The following C1QA variants were observed in gnomAD, a reference collection of about 807,000 sequenced individuals.
The protein encoded by C1QA is complement C1q A chain.
In C1QA, 3 loss-of-function variants were observed where a neutral mutation model predicts 6.9. The ratio of observed to expected loss-of-function variants is 0.44; its 90% CI spans 0.20 to 1.12. The LOEUF (loss-of-function observed/expected upper bound fraction) is 1.12, where lower values mean the gene tolerates loss of function less well. C1QA is among the 50% of genes most tolerant of loss of function. The pLI is 0.27. For missense variants in C1QA, 273 were observed against 326.6 expected, an observed-to-expected ratio of 0.84 and a Z score of 1.26; for synonymous variants, 128 against 134.1, an observed-to-expected ratio of 0.95 and a Z score of 0.31.
In C1QA at chr1:22,637,533, T is replaced by C. The variant is rs572151019; in HGVS notation, c.-7-77T>C. The C allele has an allele frequency of 4.5e-6, 7 of 1,538,794 alleles. No homozygotes were observed. The South Asian group carries it at 7.0e-5, about 15-fold the overall frequency. The stretch of plus-strand genomic sequence containing the variant: ...GGGGAGGACTGTGCATATATCATTG[T>C]GTGCATGGGACTCAAGGGTGGGAGC... On this transcript the variant is annotated intron_variant, in intron 1 of 2. Coordinates refer to ENST00000374642, the MANE Select transcript of C1QA (RefSeq NM_015991.4). This position sits in a 1 kb window ranked among gnomAD's most constrained non-coding sequence, Gnocchi z 4.4.
Position 22,637,028 on chromosome 1 carries a change from C to T in C1QA, c.-8+326C>T, listed in dbSNP as rs909916582. Among the ~76,000 whole-genome samples the T allele has an allele frequency of 7.2e-5, 11 of 152,138 alleles. No homozygotes were observed. The highest frequency in any genetic ancestry group is 2.7e-4 in the African/African-American group (11 of 41,414). On this transcript the variant is annotated intron_variant, in intron 1 of 2. Transcript: ENST00000374642. This position sits in a 1 kb window ranked among gnomAD's most constrained non-coding sequence, Gnocchi z 4.4. Reference sequence around the variant, plus strand: ...TGCTAGAGCTGGCAGTGGGACCCAGCAGAGGGGACTGTAGGGGCAGCCAGT... The same window carrying T: ...TGCTAGAGCTGGCAGTGGGACCCAGTAGAGGGGACTGTAGGGGCAGCCAGT...
rs1290767439 is a variant in C1QA at position 22,639,433 on chromosome 1, C to T, written c.*26C>T. 3 of 1,608,752 alleles carry T rather than the reference C, an allele frequency of 1.9e-6. No homozygotes were observed. In the South Asian group the frequency reaches 3.3e-5, roughly 18 times the overall value. ...GCCAGGGAAGGACCCCCTCCCCCAC[C>T]CACCTCTCTGGCTTCCATGCTCCGC... On this transcript the variant is annotated 3_prime_UTR_variant, in exon 3 of 3. Coordinates refer to ENST00000374642, the MANE Select transcript of C1QA (RefSeq NM_015991.4). This position sits in a 1 kb window ranked among gnomAD's most constrained non-coding sequence, Gnocchi z 4.6.
In C1QA at chr1:22,637,506, T is replaced by C; in HGVS notation, c.-7-104T>C. ...AGAGCCCCAGAGGGTGCATGTGCAC[T>C]TGGGGAGGACTGTGCATATATCATT... On this transcript the variant is annotated intron_variant, in intron 1 of 2. Transcript: ENST00000374642. This position sits in a 1 kb window ranked among gnomAD's most constrained non-coding sequence, Gnocchi z 4.4. The C allele has an allele frequency of 7.1e-7, 1 of 1,400,908 alleles. No individual in the cohort carries two copies. The highest frequency in any genetic ancestry group is 9.9e-7 in the Non-Finnish European group (1 of 1,009,838). The allele number at this position is 1,400,908 out of a possible 1,614,324, so 86.8% of individuals were successfully genotyped here.
Position 22,639,234 on chromosome 1 carries a change from T to A in C1QA, c.565T>A (p.Phe189Ile). ...GGGCCAGGTCCGACGCTCCCTGGGC[T>A]TCTGTGACACCACCAACAAGGGGCT... The part of the protein sequence containing the change: ...SRGQVRRSLG[F>I]CDTTNKGLFQ... Residue 189 changes from phenylalanine to isoleucine, a missense_variant, in exon 3 of 3, where the codon TTC becomes ATC. Phe to Ile is a conservative substitution (Grantham distance 21). Transcript: ENST00000374642. This position sits in a 1 kb window ranked among gnomAD's most constrained non-coding sequence, Gnocchi z 4.6. The A allele has an allele frequency of 6.2e-7, 1 of 1,614,206 alleles. No individual in the cohort carries two copies. The highest frequency in any genetic ancestry group is 1.3e-5 in the African/African-American group (1 of 75,056).
In C1QA at chr1:22,638,877, CA is replaced by C; in HGVS notation, c.209del (p.Gln70ArgfsTer212). On this transcript the variant is annotated frameshift_variant, in exon 3 of 3. Coordinates refer to ENST00000374642, the MANE Select transcript of C1QA (RefSeq NM_015991.4). LOFTEE classifies it low-confidence loss of function (END_TRUNC). ...RTGIQGLKGD[Q>X]GEPGPSGNPG... ...AGGCATCCAAGGCCTTAAAGGAGACCAGGGGGAACCTGGGCCCTCTGGAAAC... is the reference window on the plus strand; with the variant it reads ...AGGCATCCAAGGCCTTAAAGGAGACCGGGGGAACCTGGGCCCTCTGGAAAC... The C allele has an allele frequency of 1.9e-6, 3 of 1,595,316 alleles. No homozygotes were observed. Among genetic ancestry groups the C allele is most frequent in the Non-Finnish European group, 2.6e-6 (3 of 1,171,558 alleles).
rs1208122074 is a variant in C1QA at position 22,637,973 on chromosome 1, CT to C, written c.163+195del. 6.6e-6 allele frequency among the ~76,000 whole-genome samples: 1 copy of C among 152,212 alleles called. No homozygotes were observed. The highest frequency in any genetic ancestry group is 1.5e-5 in the Non-Finnish European group (1 of 68,034). Reference sequence around the variant, plus strand: ...CGGGCCATGTCCTCAGGCCTCTCCACTCCCTGTGTACTGCCTGGGCCCTCTT... The same window carrying C: ...CGGGCCATGTCCTCAGGCCTCTCCACCCCTGTGTACTGCCTGGGCCCTCTT... On this transcript the variant is annotated intron_variant, in intron 2 of 2. Coordinates refer to ENST00000374642, the MANE Select transcript of C1QA (RefSeq NM_015991.4). This position sits in a 1 kb window ranked among gnomAD's most constrained non-coding sequence, Gnocchi z 4.4.
Position 22,639,224 on chromosome 1 carries a change from C to T in C1QA, c.555C>T (p.Arg185=), listed in dbSNP as rs2148291319. The part of the protein sequence containing the change: ...IVSSSRGQVR[R]SLGFCDTTNK... ...CCTCCTCAAGGGGCCAGGTCCGACG[C>T]TCCCTGGGCTTCTGTGACACCACCA... Residue 185 remains arginine, a synonymous_variant, in exon 3 of 3, where the codon CGC becomes CGT. Transcript: ENST00000374642. This position sits in a 1 kb window ranked among gnomAD's most constrained non-coding sequence, Gnocchi z 4.6. 1 of 1,614,260 alleles carries T rather than the reference C, an allele frequency of 6.2e-7. No homozygotes were observed. The highest frequency in any genetic ancestry group is 8.5e-7 in the Non-Finnish European group (1 of 1,180,044).
In C1QA at chr1:22,637,291, G is replaced by A. The variant is rs1451695527; in HGVS notation, c.-7-319G>A. Among the ~76,000 whole-genome samples, 4 of 152,214 alleles carry A rather than the reference G, an allele frequency of 2.6e-5. No homozygotes were observed. The highest frequency in any genetic ancestry group is 5.9e-5 in the Non-Finnish European group (4 of 68,036). On this transcript the variant is annotated intron_variant, in intron 1 of 2. Coordinates refer to ENST00000374642, the MANE Select transcript of C1QA (RefSeq NM_015991.4). This position sits in a 1 kb window ranked among gnomAD's most constrained non-coding sequence, Gnocchi z 4.4. ...AGGGACAGGGTCTATTTGGGTATCA[G>A]TTGTGTGTCTAGGGGGGTATAGTGG... is the stretch of plus-strand genomic sequence containing the variant.
chr1:22,638,037 C>CT (rs2148290311), intron 2 of C1QA, among the ~76,000 whole-genome samples: 1 of 152,314 alleles, frequency 6.6e-6, no homozygotes, highest in African/African-American at 2.4e-5. Flanking sequence ...GAATGACTTG[C>CT]TTTGACCAGT....
chr1:22,638,073 C>A (rs1281777857), intron 2 of C1QA, among the ~76,000 whole-genome samples: 1 of 152,214 alleles, frequency 6.6e-6, no homozygotes, highest in Non-Finnish European at 1.5e-5. Context: ...GGCAGCAATG[C>A]TGAGTCCTTG....
In C1QA at chr1:22,639,272, G is replaced by A. The variant is rs1382617154; in HGVS notation, c.603G>A (p.Val201=). 1 of 1,614,212 alleles carries A rather than the reference G, an allele frequency of 6.2e-7. No individual in the cohort carries two copies. Residue 201 remains valine (V), a synonymous_variant, in exon 3 of 3, where the codon GTG becomes GTA. Coordinates refer to ENST00000374642, the MANE Select transcript of C1QA (RefSeq NM_015991.4). The surrounding 1 kb of genome is among the most constrained non-coding windows in gnomAD (Gnocchi z 4.6). ...DTTNKGLFQV[V]SGGMVLQLQQ... ...CCAACAAGGGGCTCTTCCAGGTGGTGTCAGGGGGCATGGTGCTTCAGCTGC... is the reference window on the plus strand; with the variant it reads ...CCAACAAGGGGCTCTTCCAGGTGGTATCAGGGGGCATGGTGCTTCAGCTGC...
Position 22,637,473 on chromosome 1 carries a change from G to T in C1QA, c.-7-137G>T. 9.3e-7 allele frequency: 1 copy of T among 1,070,946 alleles called. No homozygotes were observed. The allele number at this position is 1,070,946 out of a possible 1,614,324, so 66.3% of individuals were successfully genotyped here. A position where few individuals can be genotyped will look rare whatever the true frequency, so the allele number is the denominator to read the frequency against. ...GGGGTCCTGGGGCTGGATTGAGAGT[G>T]GACATTGAGAGCCCCAGAGGGTGCA... On this transcript the variant is annotated intron_variant, in intron 1 of 2. Transcript: ENST00000374642. This position sits in a 1 kb window ranked among gnomAD's most constrained non-coding sequence, Gnocchi z 4.4.
In C1QA at chr1:22,637,560, G is replaced by T; in HGVS notation, c.-7-50G>T. ...TGCATGGGACTCAAGGGTGGGAGCTGGGTGTGAGTGTGATGTCCAACCTGC... is the reference window on the plus strand; with the variant it reads ...TGCATGGGACTCAAGGGTGGGAGCTTGGTGTGAGTGTGATGTCCAACCTGC... On this transcript the variant is annotated intron_variant, in intron 1 of 2. Transcript: ENST00000374642. The surrounding 1 kb of genome is among the most constrained non-coding windows in gnomAD (Gnocchi z 4.4). 6.2e-7 allele frequency: 1 copy of T among 1,603,588 alleles called. No individual in the cohort carries two copies. Among genetic ancestry groups the T allele is most frequent in the South Asian group, 1.1e-5 (1 of 89,438 alleles).
In C1QA at chr1:22,639,099, TACCAGAAC is replaced by T; in HGVS notation, c.431_438del (p.Tyr144SerfsTer45). 2 of 1,614,234 alleles carry T rather than the reference TACCAGAAC, an allele frequency of 1.2e-6. No individual in the cohort carries two copies. Among genetic ancestry groups the T allele is most frequent in the Non-Finnish European group, 1.7e-6 (2 of 1,180,040 alleles). ...GGTCATCACCAACCAGGAAGAACCG[TACCAGAAC>T]CACTCCGGCCGATTCGTCTGCACTG... On this transcript the variant is annotated frameshift_variant, in exon 3 of 3. Transcript: ENST00000374642. LOFTEE classifies it low-confidence loss of function (END_TRUNC). This position sits in a 1 kb window ranked among gnomAD's most constrained non-coding sequence, Gnocchi z 4.6.
intron 2 of C1QA, among the ~76,000 whole-genome samples, chr1:22,638,622 C>T (rs1048138470): frequency 8.5e-5 from 13 of 152,180 alleles, no homozygotes; most frequent in South Asian, 2.1e-4. Flanking sequence ...TTCCCAAGTG[C>T]CTGTTCACAC....
At position 22,639,657 on chromosome 1, in the gene C1QA, A is replaced by G. The variant is rs1570074419; in HGVS notation, c.*250A>G. 1 of 577,246 alleles carries G rather than the reference A, an allele frequency of 1.7e-6. No individual in the cohort carries two copies. Among genetic ancestry groups the G allele is most frequent in the Non-Finnish European group, 3.1e-6 (1 of 323,842 alleles). 35.8% of individuals were successfully genotyped at this position (577,246 alleles called of 1,614,324 possible). ...AGCATTGAGAGGGAGGCCTAAGAAT[A>G]ATAACAATCCAGTGCTTAAGAGTCA... On this transcript the variant is annotated 3_prime_UTR_variant, in exon 3 of 3. Transcript: ENST00000374642. The surrounding 1 kb of genome is among the most constrained non-coding windows in gnomAD (Gnocchi z 4.6).
chr1:22,638,714 G>A, intron 2 of C1QA, 119 bp from the exon 3 acceptor site: 2 of 1,130,714 alleles, frequency 1.8e-6, no homozygotes, highest in South Asian at 2.7e-5. Flanking sequence ...CAGAATCGAT[G>A]TCCTGAAGGC....
chr1:22,637,591 C>A lies in C1QA; in HGVS notation c.-7-19C>A, dbSNP rs1642201384. 6.2e-7 allele frequency: 1 copy of A among 1,613,334 alleles called. No individual in the cohort carries two copies. The highest frequency in any genetic ancestry group is 1.1e-5 in the South Asian group (1 of 90,788). On this transcript the variant is annotated intron_variant, in intron 1 of 2. Coordinates refer to ENST00000374642, the MANE Select transcript of C1QA (RefSeq NM_015991.4). This position sits in a 1 kb window ranked among gnomAD's most constrained non-coding sequence, Gnocchi z 4.4. ...GAGTGTGATGTCCAACCTGCCCAGG[C>A]CCTCCCGTGTCTCCACAGAGGCATC...
rs1361351089 is a variant in C1QA at position 22,639,542 on chromosome 1, C to T, written c.*135C>T. On this transcript the variant is annotated 3_prime_UTR_variant, in exon 3 of 3. Transcript: ENST00000374642. The surrounding 1 kb of genome is among the most constrained non-coding windows in gnomAD (Gnocchi z 4.6). ...CCCCAGGACTGGCTGCCCCGTGACA[C>T]ATGCTCTAAGAAGCTCGTTTCTTAG... The T allele has an allele frequency of 5.2e-6, 5 of 960,424 alleles. No homozygotes were observed. The highest frequency in any genetic ancestry group is 3.0e-5 in the South Asian group (2 of 66,386). 59.5% of individuals were successfully genotyped at this position (960,424 alleles called of 1,614,324 possible).
Sources: allele counts gnomAD v4.1 joint callset (sites outside exome capture counted in the v4.1 genomes callset), GRCh38; gene constraint gnomAD v4.1.1; non-coding constraint Gnocchi (gnomAD v3.1); transcripts MANE v1.5; gene names NCBI Gene and HGNC (gene_info 2026-07-23, HGNC 2026-07-21).